The following COX7B2 variants were observed in gnomAD, a reference collection of about 807,000 sequenced individuals.
COX7B2 encodes the protein cytochrome c oxidase subunit 7B2.
For synonymous variants in COX7B2, 37 were observed against 32.1 expected (o/e 1.15, Z -0.51); for missense variants, 109 against 95.9 (o/e 1.14, Z -0.57).
At chr4:46,859,129 T>A (rs1351529351) in intron 1 of COX7B2, among the ~76,000 whole-genome samples, 1 of 152,192 alleles carries the variant, frequency 6.6e-6, no homozygotes, top group Non-Finnish European at 1.5e-5. Flanking sequence ...TTGGGCTCCA[T>A]AAATGGGCTG....
chr4:46,829,626 CTTA>C (rs769623896), intron 2 of COX7B2, among the ~76,000 whole-genome samples: 11 of 152,012 alleles, frequency 7.2e-5, no homozygotes, highest in Non-Finnish European at 1.6e-4. Flanking sequence ...GAAGAAATTA[CTTA>C]TTATTAAAGA....
At chr4:46,855,762 AT>A (rs1716974667) in intron 1 of COX7B2, among the ~76,000 whole-genome samples, 1 of 152,110 alleles carries the variant, frequency 6.6e-6, no homozygotes, top group Non-Finnish European at 1.5e-5. Context: ...GTTTCAGATC[AT>A]TTTTCATTCA....
chr4:46,901,242 C>G (rs1720053062), intron 1 of COX7B2, among the ~76,000 whole-genome samples: 1 of 152,208 alleles, frequency 6.6e-6, no homozygotes, highest in South Asian at 2.1e-4. Flanking sequence ...TAAACATGGA[C>G]TGCTACTAGA....
At chr4:46,858,279 A>T (rs906758755) in intron 1 of COX7B2, among the ~76,000 whole-genome samples, 1 of 152,062 alleles carries the variant, frequency 6.6e-6, no homozygotes, top group African/African-American at 2.4e-5. Context: ...TTTTTAGTAG[A>T]GATGGGGGGG....
At chr4:46,783,369 G>T (rs1283266707) in intron 2 of COX7B2, among the ~76,000 whole-genome samples, 1 of 152,322 alleles carries the variant, frequency 6.6e-6, no homozygotes, top group Non-Finnish European at 1.5e-5. Flanking sequence ...TGATCTCTTA[G>T]AACTATCATT....
intron 1 of COX7B2, among the ~76,000 whole-genome samples, chr4:46,859,324 C>T (rs190440518): frequency 4.6e-5 from 7 of 152,268 alleles, no homozygotes; most frequent in Admixed American, 3.9e-4. Flanking sequence ...TCTACACTCC[C>T]TCTTTTTTAA....
intron 1 of COX7B2, among the ~76,000 whole-genome samples, chr4:46,868,521 C>T (rs1717806041): frequency 6.6e-6 from 1 of 152,012 alleles, no homozygotes; most frequent in Non-Finnish European, 1.5e-5. Flanking sequence ...TATAAATTTC[C>T]CCCTTAACAC....
At chr4:46,754,729 T>TATATAC (rs1491339255) in intron 2 of COX7B2, among the ~76,000 whole-genome samples, 5 of 73,388 alleles carry the variant, frequency 6.8e-5, no homozygotes, top group African/African-American at 2.1e-4. Flanking sequence ...TGTGTGTGTG[T>TATATAC]ATATATATAT....
intron 1 of COX7B2, among the ~76,000 whole-genome samples, chr4:46,894,283 T>C (rs994174197): frequency 1.3e-5 from 2 of 152,066 alleles, no homozygotes; most frequent in Non-Finnish European, 2.9e-5. Context: ...AGGGCTACAG[T>C]AATCAAAACA....
intron 2 of COX7B2, among the ~76,000 whole-genome samples, chr4:46,790,484 T>C (rs1020149352): frequency 7.9e-5 from 12 of 152,232 alleles, no homozygotes; most frequent in Admixed American, 3.9e-4. Flanking sequence ...TTATTACTTA[T>C]TATTGCTGGG....
chr4:46,827,915 G>A (rs140834191), intron 2 of COX7B2, among the ~76,000 whole-genome samples: 1 of 152,126 alleles, frequency 6.6e-6, no homozygotes, highest in Non-Finnish European at 1.5e-5. Flanking sequence ...CAGATCACTG[G>A]TTGCCTGGGA....
At chr4:46,821,891 A>ATT (rs917011231) in intron 2 of COX7B2, among the ~76,000 whole-genome samples, 2 of 150,684 alleles carry the variant, frequency 1.3e-5, no homozygotes, top group African/African-American at 4.9e-5. Context: ...GAGGTTATTC[A>ATT]TTTTTTTTTG....
chr4:46,750,241 C>CACACAT (rs1553879322), intron 2 of COX7B2, among the ~76,000 whole-genome samples: 1 of 144,544 alleles, frequency 6.9e-6, no homozygotes, highest in South Asian at 2.3e-4. Context: ...CACACACACA[C>CACACAT]ACATTATCCA....
At chr4:46,822,045 G>T (rs1290331740) in intron 2 of COX7B2, among the ~76,000 whole-genome samples, 1 of 152,158 alleles carries the variant, frequency 6.6e-6, no homozygotes, top group Non-Finnish European at 1.5e-5. Context: ...CTGAGTAGCT[G>T]GGACTATAGG....
intron 2 of COX7B2, among the ~76,000 whole-genome samples, chr4:46,829,615 T>C (rs937075928): frequency 6.6e-6 from 1 of 152,202 alleles, no homozygotes; most frequent in Admixed American, 6.5e-5. Flanking sequence ...CATCATGGGA[T>C]GAAGAAATTA....
chr4:46,907,432 T>G (rs1280164809), intron 1 of COX7B2, among the ~76,000 whole-genome samples: 1 of 152,182 alleles, frequency 6.6e-6, no homozygotes, highest in African/African-American at 2.4e-5. Flanking sequence ...GCAAAAATGA[T>G]TTTTAGAACC....
intron 1 of COX7B2, among the ~76,000 whole-genome samples, chr4:46,884,528 C>T (rs1369748049): frequency 6.6e-6 from 1 of 152,070 alleles, no homozygotes; most frequent in African/African-American, 2.4e-5. Flanking sequence ...TAGTGGAGTA[C>T]TGTTAGTATA....
chr4:46,750,705 C>T (rs1425056887), intron 2 of COX7B2, among the ~76,000 whole-genome samples: 1 of 152,120 alleles, frequency 6.6e-6, no homozygotes, highest in African/African-American at 2.4e-5. Flanking sequence ...AATACATTTT[C>T]TCAAAGTCCT....
intron 2 of COX7B2, among the ~76,000 whole-genome samples, chr4:46,775,928 CAAGTTTCTATAA>C (rs1244264826): frequency 6.6e-6 from 1 of 152,112 alleles, no homozygotes; most frequent in Non-Finnish European, 1.5e-5. Flanking sequence ...ACGTTATTCC[CAAGTTTCTATAA>C]AAATGTGAGA....
Sources: gnomAD v4.1 joint callset for allele counts (sites outside exome capture counted in the v4.1 genomes callset) on GRCh38, gnomAD v4.1.1 for gene constraint, MANE v1.5 for transcripts, NCBI Gene and HGNC (gene_info 2026-07-23, HGNC 2026-07-21) for gene names.